Variants in SP140L observed in about 807,000 individuals in gnomAD.
SP140L encodes the protein SP140 like nuclear body protein, also known as nuclear body protein SP140-like protein.
In SP140L, 64 loss-of-function variants were observed where a neutral mutation model predicts 84.3. The ratio of observed to expected loss-of-function variants is 0.76; its 90% CI spans 0.62 to 0.94. SP140L has a LOEUF of 0.94. SP140L is among the 40% of genes least tolerant of loss of function. The pLI, the probability that SP140L is intolerant of heterozygous loss-of-function variation, is 0.00. For missense variants in SP140L, 628 were observed against 692.5 expected (o/e 0.91, Z 1.05); for synonymous variants, 242 against 236.9 (o/e 1.02, Z -0.20).
rs535239900 is a variant in SP140L at position 230,358,263 on chromosome 2, C to T, written c.270+296C>T. 1.7e-3 allele frequency among the ~76,000 whole-genome samples: 260 copies of T among 152,284 alleles called. 3 individuals carry two copies. Among genetic ancestry groups the T allele is most frequent in the Middle Eastern group, 6.8e-3 (2 of 294 alleles). Reference sequence around the variant, plus strand: ...TTTTAATGAATTGATTTACTGAAATCATAATTGACAGAGCATTTTATTTCA... The same window carrying T: ...TTTTAATGAATTGATTTACTGAAATTATAATTGACAGAGCATTTTATTTCA... On this transcript the variant is annotated intron_variant, in intron 3 of 18. Transcript: ENST00000415673.
chr2:230,348,849 T>C (rs1262923914), intron 2 of SP140L, among the ~76,000 whole-genome samples: 6 of 152,374 alleles, frequency 3.9e-5, no homozygotes, highest in Non-Finnish European at 8.8e-5. Context: ...ATTTTTGCTC[T>C]TTTAGAAGAT....
At chr2:230,340,974 A>G (rs1389590117) in intron 2 of SP140L, among the ~76,000 whole-genome samples, 5 of 137,446 alleles carry the variant, frequency 3.6e-5, no homozygotes, top group Non-Finnish European at 7.8e-5. Flanking sequence ...TGTGTCTTGG[A>G]GTTGCTCTTC....
intron 7 of SP140L, among the ~76,000 whole-genome samples, chr2:230,381,733 C>T (rs973574431): frequency 6.2e-4 from 94 of 150,744 alleles, no homozygotes; most frequent in African/African-American, 2.1e-3. Flanking sequence ...CACACACACA[C>T]ACACACACAC....
chr2:230,358,449 A>G (rs1172669086), intron 3 of SP140L, among the ~76,000 whole-genome samples: 1 of 152,158 alleles, frequency 6.6e-6, no homozygotes, highest in African/African-American at 2.4e-5. Context: ...GTCTTGGAAT[A>G]TGAGTAAATT....
At chr2:230,370,372 A>C (rs1056595081) in intron 5 of SP140L, among the ~76,000 whole-genome samples, 19 of 152,278 alleles carry the variant, frequency 1.2e-4, no homozygotes, top group African/African-American at 4.1e-4. Context: ...GACCTCTAGA[A>C]GCTGAAAAGA....
At position 230,334,715 on chromosome 2, in the gene SP140L, G is replaced by GTA. The variant is rs781403143; in HGVS notation, c.107+5899_107+5900dup. Among the ~76,000 whole-genome samples, 846 of 149,632 alleles carry GTA rather than the reference G, an allele frequency of 5.7e-3. 8 individuals are homozygous for GTA. The highest frequency in any genetic ancestry group is 0.054 in the South Asian group (256 of 4,754). On this transcript the variant is annotated intron_variant, in intron 2 of 18. Coordinates refer to ENST00000415673, the MANE Select transcript of SP140L (RefSeq NM_138402.6). ...TAATTGAGGGTGATTAAAATTATAT[G>GTA]TATATATATATATATAAATGGTTTC...
chr2:230,343,964 G>A (rs1368172447), intron 2 of SP140L, among the ~76,000 whole-genome samples: 1 of 152,188 alleles, frequency 6.6e-6, no homozygotes, highest in Non-Finnish European at 1.5e-5. Context: ...TTTTGACTAA[G>A]TGCTGTGTGG....
chr2:230,389,647 G>T (rs535286470), intron 10 of SP140L, among the ~76,000 whole-genome samples: 2 of 152,270 alleles, frequency 1.3e-5, no homozygotes, highest in South Asian at 2.1e-4. Flanking sequence ...AATCAGTGGA[G>T]CTTACTACAC....
chr2:230,381,172 C>T (rs1344724824), intron 7 of SP140L, among the ~76,000 whole-genome samples: 1 of 152,108 alleles, frequency 6.6e-6, no homozygotes, highest in African/African-American at 2.4e-5. Flanking sequence ...CCTGCCCAAA[C>T]CTTACCTCCG....
chr2:230,389,709 A>G (rs575288517), intron 10 of SP140L, among the ~76,000 whole-genome samples: 46 of 152,324 alleles, frequency 3.0e-4, no homozygotes, highest in Non-Finnish European at 6.0e-4. Flanking sequence ...AAAGCATTCA[A>G]TTTTCTGTGA....
chr2:230,370,829 A>G, intron 5 of SP140L, 79 bp from the exon 6 acceptor site: 1 of 1,422,338 alleles, frequency 7.0e-7, no homozygotes, highest in Non-Finnish European at 9.8e-7. Context: ...TTAAAAGTTC[A>G]TAAATCACAA....
intron 2 of SP140L, among the ~76,000 whole-genome samples, chr2:230,330,150 G>T (rs1217700167): frequency 6.6e-6 from 1 of 152,126 alleles, no homozygotes; most frequent in African/African-American, 2.4e-5. Context: ...TGTAATCTGG[G>T]AGAGTCATGG....
intron 2 of SP140L, among the ~76,000 whole-genome samples, chr2:230,331,759 A>G (rs974362840): frequency 6.6e-6 from 1 of 152,004 alleles, no homozygotes; most frequent in Non-Finnish European, 1.5e-5. Context: ...TTTTCTAGTT[A>G]TTTCTTTCTG....
intron 2 of SP140L, among the ~76,000 whole-genome samples, chr2:230,346,319 T>G (rs1449096290): frequency 6.6e-6 from 1 of 152,182 alleles, no homozygotes; most frequent in Non-Finnish European, 1.5e-5. Context: ...AAAATTATCT[T>G]TTTGTCTTTT....
intron 2 of SP140L, among the ~76,000 whole-genome samples, chr2:230,346,904 C>A (rs916550150): frequency 6.6e-6 from 1 of 152,100 alleles, no homozygotes; most frequent in Admixed American, 6.5e-5. Flanking sequence ...GTTGTTAGAG[C>A]TTATTAATTT....
intron 2 of SP140L, among the ~76,000 whole-genome samples, chr2:230,339,485 CT>C (rs1308731227): frequency 6.6e-6 from 1 of 151,390 alleles, no homozygotes; most frequent in East Asian, 1.9e-4. Context: ...TTTTTTGTGT[CT>C]CTATTTCCTT....
At chr2:230,343,604 T>C (rs1200927194) in intron 2 of SP140L, among the ~76,000 whole-genome samples, 1 of 151,250 alleles carries the variant, frequency 6.6e-6, no homozygotes, top group African/African-American at 2.4e-5. Flanking sequence ...TATCCAGTAA[T>C]GGGATTGCTG....
chr2:230,377,886 A>G (rs1231857481), intron 7 of SP140L, among the ~76,000 whole-genome samples: 3 of 151,970 alleles, frequency 2.0e-5, no homozygotes, highest in African/African-American at 4.8e-5. Context: ...TTGAGGTCCT[A>G]TTTAAGGAAT....
chr2:230,387,193 C>T (rs6436931), intron 9 of SP140L, among the ~76,000 whole-genome samples: 2,275 of 152,310 alleles, frequency 0.015, 55 homozygotes, highest in African/African-American at 0.051. Context: ...CACAGTTCCA[C>T]CTCTTTAGTA....
Sources: allele counts gnomAD v4.1 joint callset (sites outside exome capture counted in the v4.1 genomes callset), GRCh38; gene constraint gnomAD v4.1.1; transcripts MANE v1.5; gene names NCBI Gene and HGNC (gene_info 2026-07-23, HGNC 2026-07-21).